SVEP1: variants seen among roughly 807,000 people sequenced by gnomAD.
SVEP1 encodes sushi, von Willebrand factor type A, EGF and pentraxin domain-containing protein 1.
In SVEP1, 164 loss-of-function variants were observed where a neutral mutation model predicts 367.3. That is an observed-to-expected ratio of 0.45 (90% CI 0.39 to 0.51). SVEP1 has a LOEUF of 0.51. SVEP1 is among the 20% of genes least tolerant of loss of function. The pLI is 0.00. For missense variants in SVEP1, 4,117 were observed against 4,425.3 expected, an observed-to-expected ratio of 0.93 and a Z score of 1.98; for synonymous variants, 1,666 against 1,611.6, an observed-to-expected ratio of 1.03 and a Z score of -0.81.
intron 3 of SVEP1, among the ~76,000 whole-genome samples, chr9:110,528,156 G>GTGTGTATATATATATATATATATA: frequency 5.9e-5 from 2 of 33,950 alleles, no homozygotes; most frequent in African/African-American, 2.1e-4. Context: ...GTGTGTGTGT[G>GTGTGTATATATATATATATATATA]TATATATATA....
At position 110,387,425 on chromosome 9, in the gene SVEP1, TTGAGAAATTCAAG is replaced by T; in HGVS notation, c.9907_9919del (p.Leu3303MetfsTer56). On this transcript the variant is annotated frameshift_variant, in exon 42 of 48. Transcript: ENST00000374469. LOFTEE classifies it high-confidence loss of function. The stretch of plus-strand genomic sequence containing the variant: ...CCTGTTTTCAATGTCAGCTTTCCCA[TTGAGAAATTCAAG>T]TGGAGTTTCACACCTGGTCTCTAAA... 1 of 1,611,490 alleles carries T rather than the reference TTGAGAAATTCAAG, an allele frequency of 6.2e-7. No homozygotes were observed. Among genetic ancestry groups the T allele is most frequent in the South Asian group, 1.1e-5 (1 of 90,372 alleles).
At chr9:110,490,265 T>TAA (rs765627814) in intron 8 of SVEP1, among the ~76,000 whole-genome samples, 4 of 152,214 alleles carry the variant, frequency 2.6e-5, no homozygotes, top group Non-Finnish European at 4.4e-5. Context: ...TCATATAGTT[T>TAA]ATAAAGATCA....
intron 1 of SVEP1, among the ~76,000 whole-genome samples, chr9:110,578,376 T>C (rs1830650533): frequency 6.6e-6 from 1 of 151,900 alleles, no homozygotes; most frequent in African/African-American, 2.4e-5. Flanking sequence ...GGTTTTTTTT[T>C]CCTCTCCCTA....
intron 14 of SVEP1, among the ~76,000 whole-genome samples, chr9:110,474,978 C>T (rs1415862726): frequency 1.3e-5 from 2 of 150,206 alleles, no homozygotes; most frequent in African/African-American, 2.4e-5. Context: ...ATGTATATAT[C>T]ATAGTATGGT....
chr9:110,388,151 A>AAAGTATATAG (rs1827554642), intron 41 of SVEP1, among the ~76,000 whole-genome samples: 1 of 152,016 alleles, frequency 6.6e-6, no homozygotes, highest in Non-Finnish European at 1.5e-5. Context: ...AAAGACAATA[A>AAAGTATATAG]GAAAGTATAA....
chr9:110,536,710 A>G (rs1196981219), intron 3 of SVEP1, among the ~76,000 whole-genome samples: 4 of 151,702 alleles, frequency 2.6e-5, no homozygotes, highest in African/African-American at 9.7e-5. Context: ...TCTTTTTTTT[A>G]TTATACTTTA....
At chr9:110,518,262 A>C (rs1174377862) in intron 3 of SVEP1, among the ~76,000 whole-genome samples, 2 of 151,962 alleles carry the variant, frequency 1.3e-5, no homozygotes. Flanking sequence ...GTCTCTACTA[A>C]AAATACAAAA....
At chr9:110,476,142 T>C (rs1192643896) in intron 14 of SVEP1, 62 bp downstream of exon 14, 6 of 1,056,548 alleles carry the variant, frequency 5.7e-6, no homozygotes, top group Non-Finnish European at 8.7e-6. Flanking sequence ...CTCACTTTTC[T>C]GGAATTATTC....
At chr9:110,454,827 T>A (rs1183702065) in intron 22 of SVEP1, among the ~76,000 whole-genome samples, 1 of 152,146 alleles carries the variant, frequency 6.6e-6, no homozygotes, top group Non-Finnish European at 1.5e-5. Flanking sequence ...AAAGGTGGTG[T>A]GGGCTGCAAA....
At chr9:110,370,205 T>C (rs1827256252) in intron 46 of SVEP1, among the ~76,000 whole-genome samples, 189 bp from the exon 47 acceptor site, 1 of 152,082 alleles carries the variant, frequency 6.6e-6, no homozygotes, top group African/African-American at 2.4e-5. Context: ...CACCTCCCTT[T>C]TTCCTTCCAA....
chr9:110,386,750 A>G (rs1332595740), intron 42 of SVEP1, among the ~76,000 whole-genome samples: 1 of 152,268 alleles, frequency 6.6e-6, no homozygotes, highest in Non-Finnish European at 1.5e-5. Flanking sequence ...AAATGGGCAT[A>G]AAAGTATTTG....
chr9:110,395,694 G>A (rs1827747443), intron 40 of SVEP1, among the ~76,000 whole-genome samples: 1 of 150,776 alleles, frequency 6.6e-6, no homozygotes, highest in Non-Finnish European at 1.5e-5. Context: ...AAAGGCAGGG[G>A]TTGCAATCCT....
At chr9:110,384,178 G>GA (rs1158527042) in intron 43 of SVEP1, among the ~76,000 whole-genome samples, 1 of 152,176 alleles carries the variant, frequency 6.6e-6, no homozygotes, top group African/African-American at 2.4e-5. Flanking sequence ...TCATGAGGGG[G>GA]ATCTCCTGAT....
At chr9:110,403,491 G>A (rs914108007) in intron 39 of SVEP1, among the ~76,000 whole-genome samples, 2 of 151,542 alleles carry the variant, frequency 1.3e-5, no homozygotes, top group Admixed American at 1.3e-4. Context: ...TTTTAGTAGA[G>A]ACGGGGTTTC....
intron 39 of SVEP1, among the ~76,000 whole-genome samples, 171 bp downstream of exon 39, chr9:110,404,156 G>GA (rs1827915990): frequency 6.6e-6 from 1 of 152,096 alleles, no homozygotes; most frequent in South Asian, 2.1e-4. Flanking sequence ...GAATACTGCA[G>GA]AAAAAAGATA....
In SVEP1 at chr9:110,435,288, C is replaced by T; in HGVS notation, c.4841G>A (p.Gly1614Glu). Residue 1614 changes from glycine (G) to glutamate (E), a missense_variant, in exon 29 of 48, where the codon GGA (glycine) becomes GAA (glutamate). Gly to Glu is a moderately conservative substitution (Grantham distance 98, BLOSUM62 -2). Around this residue, in one of 4 missense-constraint regions of SVEP1, gnomAD observed 2,174 missense variants for 2,494.3 expected, o/e 0.87. Coordinates refer to ENST00000374469, the MANE Select transcript of SVEP1 (RefSeq NM_153366.4). ...NVLAWPDFLS[G>E]IVGKVKIDSK... Reference sequence around the variant, plus strand: ...ATCGATCTTCACTTTCCCCACAATTCCTGACAAGAAATCAGGCCATGCTAA... The same window carrying T: ...ATCGATCTTCACTTTCCCCACAATTTCTGACAAGAAATCAGGCCATGCTAA... 1 of 1,613,566 alleles carries T rather than the reference C, an allele frequency of 6.2e-7. No homozygotes were observed. Among genetic ancestry groups the T allele is most frequent in the Non-Finnish European group, 8.5e-7 (1 of 1,179,586 alleles).
At chr9:110,433,867 T>G (rs1588051225) in intron 30 of SVEP1, among the ~76,000 whole-genome samples, 1 of 152,280 alleles carries the variant, frequency 6.6e-6, no homozygotes, top group Non-Finnish European at 1.5e-5. Flanking sequence ...TTATATTTAC[T>G]TATTTTTCTG....
In SVEP1 at chr9:110,503,080, G is replaced by C. The variant is rs77339128; in HGVS notation, c.1441C>G (p.Gln481Glu). The C allele has an allele frequency of 3.7e-6, 6 of 1,608,946 alleles. No homozygotes were observed. The highest frequency in any genetic ancestry group is 5.1e-6 in the Non-Finnish European group (6 of 1,176,294). Reference protein sequence around the residue: ...RLEGSDKLTCQGNSQWDGPEP... With the variant: ...RLEGSDKLTCEGNSQWDGPEP... ...GGCCCATCCCACTGGCTGTTTCCTT[G>C]ACAAGTAAGCTTATCACTGCCTTCT... The change falls in exon 6 of 48, where the codon CAA (glutamine) becomes GAA (glutamate). Residue 481 changes from glutamine (Q) to glutamate (E), a missense_variant. By Grantham distance (29) the Gln-to-Glu change is conservative (BLOSUM62 2). Around this residue, in one of 4 missense-constraint regions of SVEP1, gnomAD observed 2,174 missense variants for 2,494.3 expected, o/e 0.87. Coordinates refer to ENST00000374469, the MANE Select transcript of SVEP1 (RefSeq NM_153366.4).
chr9:110,431,369 G>A (rs539156716), intron 32 of SVEP1, among the ~76,000 whole-genome samples: 1 of 152,268 alleles, frequency 6.6e-6, no homozygotes, highest in Non-Finnish European at 1.5e-5. Context: ...TGTTCATATA[G>A]ACATCTTATT....
Sources: allele counts gnomAD v4.1 joint callset (sites outside exome capture counted in the v4.1 genomes callset), GRCh38; gene constraint gnomAD v4.1.1; regional missense constraint gnomAD v4.1.1; transcripts MANE v1.5; gene names NCBI Gene and HGNC (gene_info 2026-07-23, HGNC 2026-07-21).